Variants in GNPTAB observed in about 807,000 individuals in gnomAD.
The protein encoded by GNPTAB is N-acetylglucosamine-1-phosphotransferase subunits alpha/beta.
Under a neutral mutation model 136.6 loss-of-function variants are expected in GNPTAB, and 92 were observed. The observed-to-expected ratio is 0.67, with a 90% CI of 0.57 to 0.80. The LOEUF is 0.80. Ranked by LOEUF, GNPTAB falls within the 30% of genes least tolerant of loss-of-function variation. The pLI is 0.00. For missense variants in GNPTAB, 1,343 were observed against 1,501.8 expected, an observed-to-expected ratio of 0.89 and a Z score of 1.75; for synonymous variants, 512 against 535.1, an observed-to-expected ratio of 0.96 and a Z score of 0.60.
At chr12:101,798,197 CCT>C (rs60761440) in intron 1 of GNPTAB, among the ~76,000 whole-genome samples, 18,820 of 152,216 alleles carry the variant, frequency 0.12, 1,588 homozygotes, top group East Asian at 0.48. Flanking sequence ...TTGCCCAGTT[CCT>C]CTTTGTGGAA....
At chr12:101,779,857 C>T in intron 7 of GNPTAB, 2 of 420,792 alleles carry the variant, frequency 4.8e-6, no homozygotes, top group Non-Finnish European at 8.8e-6. Context: ...CTTGTCTGAT[C>T]TCGGAAGCTA....
chr12:101,775,365 CTT>C (rs56347934), intron 7 of GNPTAB, among the ~76,000 whole-genome samples: 4 of 143,300 alleles, frequency 2.8e-5, no homozygotes, highest in African/African-American at 5.2e-5. Flanking sequence ...TCTTTTTTTT[CTT>C]TTTTTTTTTT....
chr12:101,814,553 C>T (rs910303399), intron 1 of GNPTAB, among the ~76,000 whole-genome samples: 8 of 151,948 alleles, frequency 5.3e-5, no homozygotes, highest in East Asian at 1.9e-4. Flanking sequence ...AAAAATTAGC[C>T]GGGTGTGGTG....
At chr12:101,749,879 T>G (rs1952790776) in intron 19 of GNPTAB, among the ~76,000 whole-genome samples, 1 of 152,098 alleles carries the variant, frequency 6.6e-6, no homozygotes, top group Non-Finnish European at 1.5e-5. Flanking sequence ...TGCAGCTGCT[T>G]TGCAAAACCA....
intron 7 of GNPTAB, among the ~76,000 whole-genome samples, chr12:101,774,466 C>CAT (rs2137129542): frequency 6.6e-6 from 1 of 152,246 alleles, no homozygotes; most frequent in East Asian, 1.9e-4. Context: ...ATAATATGAA[C>CAT]ATATGTAAGT....
Position 101,830,560 on chromosome 12 carries a change from T to C in GNPTAB, c.116A>G (p.Glu39Gly). Reference protein sequence around the residue: ...VTIVSAFQFGEVVLEWSRDQY... With the variant: ...VTIVSAFQFGGVVLEWSRDQY... ...CCAGGCTGCGGCGCCGCTACTCACC[T>C]CTCCGAACTGGAAGGCGGAGACGAT... Residue 39 changes from glutamate (E) to glycine (G), a missense_variant and splice_region_variant, in exon 1 of 21, where the codon GAG (glutamate) becomes GGG (glycine). Transcript: ENST00000299314. 1 of 1,601,528 alleles carries C rather than the reference T, an allele frequency of 6.2e-7. No homozygotes were observed. Among genetic ancestry groups the C allele is most frequent in the Middle Eastern group, 1.7e-4 (1 of 6,034 alleles).
chr12:101,801,536 T>A, intron 1 of GNPTAB, among the ~76,000 whole-genome samples: 1 of 42,942 alleles, frequency 2.3e-5, no homozygotes, highest in South Asian at 8.6e-4. Flanking sequence ...AGAGACCCTG[T>A]CTCAAAAAAA....
Position 101,768,070 on chromosome 12 carries a change from A to T in GNPTAB, c.1375T>A (p.Ser459Thr). 12 of 1,614,182 alleles carry T rather than the reference A, an allele frequency of 7.4e-6. No homozygotes were observed. The highest frequency in any genetic ancestry group is 1.0e-5 in the Non-Finnish European group (12 of 1,179,978). ...TCCCCACCATCCCAATCGCAGGCTGAATTATTACAAGCCTTGTCACAATAG... is the reference window on the plus strand; with the variant it reads ...TCCCCACCATCCCAATCGCAGGCTGTATTATTACAAGCCTTGTCACAATAG... ...DGYCDKACNN[S>T]ACDWDGGDCS... Residue 459 changes from serine to threonine, a missense_variant, in exon 11 of 21, where the codon TCA becomes ACA. Ser to Thr is a moderately conservative substitution (Grantham distance 58). Transcript: ENST00000299314.
chr12:101,767,901 G>T, intron 11 of GNPTAB, 136 bp downstream of exon 11: 1 of 996,526 alleles, frequency 1.0e-6, no homozygotes, highest in Non-Finnish European at 1.5e-6. Flanking sequence ...ATAAGCATGA[G>T]CCACCATGCC....
intron 7 of GNPTAB, among the ~76,000 whole-genome samples, chr12:101,777,850 T>C (rs902076984): frequency 1.3e-5 from 2 of 152,182 alleles, no homozygotes; most frequent in Non-Finnish European, 2.9e-5. Flanking sequence ...CTCTCTAGTC[T>C]CTAAAAATCT....
At chr12:101,820,852 G>A (rs1165527713) in intron 1 of GNPTAB, among the ~76,000 whole-genome samples, 14 of 152,088 alleles carry the variant, frequency 9.2e-5, no homozygotes. Flanking sequence ...GAGGTCAGGA[G>A]TTCAAGACCA....
At chr12:101,819,193 G>T (rs969131798) in intron 1 of GNPTAB, among the ~76,000 whole-genome samples, 1 of 151,928 alleles carries the variant, frequency 6.6e-6, no homozygotes, top group East Asian at 1.9e-4. Flanking sequence ...TGTATTTTTG[G>T]TAGAGACAGG....
At chr12:101,829,665 G>A (rs1431517189) in intron 1 of GNPTAB, among the ~76,000 whole-genome samples, 1 of 152,016 alleles carries the variant, frequency 6.6e-6, no homozygotes, top group African/African-American at 2.4e-5. Context: ...ACAAAGACGA[G>A]CAAGTACTAT....
At chr12:101,812,022 T>C (rs1594255330) in intron 1 of GNPTAB, among the ~76,000 whole-genome samples, 1 of 149,144 alleles carries the variant, frequency 6.7e-6, no homozygotes. Flanking sequence ...GAGGCCGAGG[T>C]GGGCAGATCA....
intron 1 of GNPTAB, among the ~76,000 whole-genome samples, chr12:101,805,597 C>G (rs1221590000): frequency 6.6e-6 from 1 of 152,156 alleles, no homozygotes; most frequent in East Asian, 1.9e-4. Flanking sequence ...GGTTTCACCA[C>G]ATTGCCCAGG....
chr12:101,792,744 C>T (rs1331275864), intron 2 of GNPTAB, among the ~76,000 whole-genome samples: 1 of 152,102 alleles, frequency 6.6e-6, no homozygotes, highest in African/African-American at 2.4e-5. Context: ...TGCTATTTTC[C>T]ATGCAGCCCT....
At chr12:101,826,247 G>T (rs539867636) in intron 1 of GNPTAB, among the ~76,000 whole-genome samples, 1 of 152,214 alleles carries the variant, frequency 6.6e-6, no homozygotes, top group Middle Eastern at 3.4e-3. Flanking sequence ...CATTCATTAC[G>T]AGTAGATTCT....
chr12:101,767,504 T>C (rs190473340), intron 11 of GNPTAB, among the ~76,000 whole-genome samples: 112 of 152,310 alleles, frequency 7.4e-4, no homozygotes, highest in Non-Finnish European at 1.4e-3. Flanking sequence ...TATTCCAGAT[T>C]TTCATATTTT....
intron 10 of GNPTAB, 73 bp downstream of exon 10, chr12:101,769,948 A>G (rs1953145854): frequency 7.5e-7 from 1 of 1,336,664 alleles, no homozygotes; most frequent in Non-Finnish European, 1.1e-6. Context: ...TGACTACAGT[A>G]GTATGTGCAC....
Sources: gnomAD v4.1 joint callset for allele counts (sites outside exome capture counted in the v4.1 genomes callset) on GRCh38, gnomAD v4.1.1 for gene constraint, MANE v1.5 for transcripts, NCBI Gene and HGNC (gene_info 2026-07-23, HGNC 2026-07-21) for gene names.